Variants in RAB3C observed in about 807,000 individuals in gnomAD.
RAB3C encodes ras-related protein Rab-3C.
In RAB3C, 17 loss-of-function variants were observed where a neutral mutation model predicts 26.4. The ratio of observed to expected loss-of-function variants is 0.64; its 90% CI spans 0.44 to 0.97. RAB3C has a LOEUF of 0.97. RAB3C is among the 50% of genes least tolerant of loss of function. The probability of loss-of-function intolerance (pLI) is 0.00; values close to 1 mark genes in which losing one functional copy is unlikely to be tolerated. For synonymous variants in RAB3C, 91 were observed against 95.9 expected (o/e 0.95, Z 0.30); for missense variants, 242 against 281.9 (o/e 0.86, Z 1.01).
At chr5:58,818,429 G>A (rs536582328) in intron 3 of RAB3C, among the ~76,000 whole-genome samples, 6 of 152,298 alleles carry the variant, frequency 3.9e-5, no homozygotes, top group African/African-American at 1.4e-4. Flanking sequence ...CCAAAATAGG[G>A]ATAAATTATG....
rs539715904 is a variant in RAB3C, at chr5:58,772,858, AG to A, written c.371+46739del. Among the ~76,000 whole-genome samples, 106 of 152,326 alleles carry A rather than the reference AG, an allele frequency of 7.0e-4. 1 individual carries two copies. The highest frequency in any genetic ancestry group is 2.4e-3 in the African/African-American group (99 of 41,586). On this transcript the variant is annotated intron_variant, in intron 3 of 4. Transcript: ENST00000282878. The stretch of plus-strand genomic sequence containing the variant: ...GTATAGAGAATCATAAGAGTGGAGA[AG>A]TAAAATCTTTTTCAGTAACAAAGAA...
intron 2 of RAB3C, among the ~76,000 whole-genome samples, chr5:58,717,152 C>T (rs1364437287): frequency 6.6e-6 from 1 of 152,030 alleles, no homozygotes; most frequent in Non-Finnish European, 1.5e-5. Context: ...AAGACAGAAA[C>T]AAATCTCAGT....
intron 4 of RAB3C, among the ~76,000 whole-genome samples, chr5:58,843,055 T>A (rs1743910188): frequency 6.6e-6 from 1 of 152,200 alleles, no homozygotes; most frequent in African/African-American, 2.4e-5. Flanking sequence ...AGTGTGTGAC[T>A]CAACCATTTT....
intron 2 of RAB3C, among the ~76,000 whole-genome samples, chr5:58,625,606 C>G (rs1579823834): frequency 1.3e-5 from 2 of 152,098 alleles, no homozygotes; most frequent in African/African-American, 4.8e-5. Flanking sequence ...TGCCTGTAAT[C>G]CCAGCACTTT....
intron 2 of RAB3C, among the ~76,000 whole-genome samples, chr5:58,621,820 C>T (rs1746946777): frequency 6.6e-6 from 1 of 152,148 alleles, no homozygotes; most frequent in Admixed American, 6.5e-5. Context: ...AAGTGATCCA[C>T]TCGCCTCAGC....
intron 2 of RAB3C, among the ~76,000 whole-genome samples, chr5:58,666,993 C>A (rs1312544662): frequency 6.6e-6 from 1 of 152,142 alleles, no homozygotes; most frequent in African/African-American, 2.4e-5. Context: ...TGTTGGAAAA[C>A]AAAATTATCT....
chr5:58,655,535 A>G (rs1747750482), intron 2 of RAB3C, among the ~76,000 whole-genome samples: 1 of 152,226 alleles, frequency 6.6e-6, no homozygotes, highest in Non-Finnish European at 1.5e-5. Context: ...ACTAAGAACT[A>G]GGTCATTATG....
At chr5:58,670,327 A>G (rs1216048261) in intron 2 of RAB3C, among the ~76,000 whole-genome samples, 1 of 151,416 alleles carries the variant, frequency 6.6e-6, no homozygotes, top group East Asian at 1.9e-4. Context: ...TTTTTTTTTT[A>G]ATTTAAGCTT....
chr5:58,718,791 C>A (rs1357910511), intron 2 of RAB3C, among the ~76,000 whole-genome samples: 1 of 151,964 alleles, frequency 6.6e-6, no homozygotes, highest in Admixed American at 6.6e-5. Flanking sequence ...TAAATGAAGC[C>A]AGGCTGACTG....
chr5:58,806,793 C>T (rs1742949614), intron 3 of RAB3C, among the ~76,000 whole-genome samples: 1 of 152,012 alleles, frequency 6.6e-6, no homozygotes, highest in African/African-American at 2.4e-5. Context: ...AGATGGAAAC[C>T]CATTGCTTGA....
chr5:58,699,409 C>T (rs1417066325), intron 2 of RAB3C, among the ~76,000 whole-genome samples: 1 of 152,204 alleles, frequency 6.6e-6, no homozygotes, highest in Admixed American at 6.5e-5. Flanking sequence ...TCCAGTTAGG[C>T]TACATGGGGG....
chr5:58,821,762 T>C (rs1374682984), intron 3 of RAB3C, among the ~76,000 whole-genome samples: 3 of 152,220 alleles, frequency 2.0e-5, no homozygotes, highest in African/African-American at 7.2e-5. Context: ...GGGAATATGC[T>C]GAAATAAAAC....
At chr5:58,587,947 C>CA (rs1054257003) in intron 1 of RAB3C, among the ~76,000 whole-genome samples, 6 of 151,938 alleles carry the variant, frequency 3.9e-5, no homozygotes, top group African/African-American at 1.5e-4. Context: ...TACTGTGGAA[C>CA]AAAAAAATAT....
chr5:58,799,106 C>T (rs960509422), intron 3 of RAB3C, among the ~76,000 whole-genome samples: 14 of 152,100 alleles, frequency 9.2e-5, no homozygotes, highest in Non-Finnish European at 1.0e-4. Flanking sequence ...TTACAGTATT[C>T]AGAGTCAGAG....
chr5:58,771,946 G>A (rs1032116911), intron 3 of RAB3C, among the ~76,000 whole-genome samples: 3 of 150,846 alleles, frequency 2.0e-5, no homozygotes, highest in African/African-American at 7.3e-5. Context: ...AGCACCAAGA[G>A]ATAAGAGAAG....
intron 3 of RAB3C, among the ~76,000 whole-genome samples, chr5:58,752,379 C>T (rs1219112339): frequency 6.6e-6 from 1 of 151,956 alleles, no homozygotes; most frequent in Non-Finnish European, 1.5e-5. Context: ...AAGACTGTGT[C>T]CCAAAGGAAC....
At chr5:58,766,522 T>C (rs1340795108) in intron 3 of RAB3C, among the ~76,000 whole-genome samples, 1 of 152,208 alleles carries the variant, frequency 6.6e-6, no homozygotes, top group African/African-American at 2.4e-5. Context: ...AGCTGCCTCG[T>C]AGCACCTGAA....
chr5:58,778,074 A>C (rs1012928187), intron 3 of RAB3C, among the ~76,000 whole-genome samples: 1 of 152,108 alleles, frequency 6.6e-6, no homozygotes, highest in African/African-American at 2.4e-5. Context: ...ACTATAATGG[A>C]AATTAGAACA....
chr5:58,718,568 G>A (rs1267758914), intron 2 of RAB3C, among the ~76,000 whole-genome samples: 1 of 151,992 alleles, frequency 6.6e-6, no homozygotes, highest in Non-Finnish European at 1.5e-5. Context: ...ACTTAGAAGT[G>A]GATGCCATTG....
Sources: gnomAD v4.1 joint callset for allele counts (sites outside exome capture counted in the v4.1 genomes callset) on GRCh38, gnomAD v4.1.1 for gene constraint, MANE v1.5 for transcripts, NCBI Gene and HGNC (gene_info 2026-07-23, HGNC 2026-07-21) for gene names.